NXPH1: variants seen among roughly 807,000 people sequenced by gnomAD.
NXPH1 encodes neurexophilin-1.
In NXPH1, 5 loss-of-function variants were observed where a neutral mutation model predicts 23.7. The ratio of observed to expected loss-of-function variants is 0.21; its 90% CI spans 0.11 to 0.44. The LOEUF (loss-of-function observed/expected upper bound fraction) is 0.44, where lower values mean the gene tolerates loss of function less well. Ranked by LOEUF, NXPH1 falls within the 20% of genes least tolerant of loss-of-function variation. The probability of loss-of-function intolerance (pLI) is 0.99; values close to 1 mark genes in which losing one functional copy is unlikely to be tolerated. For synonymous variants in NXPH1, 144 were observed against 122.2 expected, an observed-to-expected ratio of 1.18 and a Z score of -1.18; for missense variants, 324 against 321.6, an observed-to-expected ratio of 1.01 and a Z score of -0.06.
intron 2 of NXPH1, among the ~76,000 whole-genome samples, chr7:8,474,974 C>A (rs151305245): frequency 6.6e-6 from 1 of 152,212 alleles, no homozygotes; most frequent in Non-Finnish European, 1.5e-5. Flanking sequence ...AGTCCCAGGT[C>A]TGAGAGCAGA....
chr7:8,503,763 G>A (rs1001800595), intron 2 of NXPH1, among the ~76,000 whole-genome samples: 1 of 151,944 alleles, frequency 6.6e-6, no homozygotes, highest in Non-Finnish European at 1.5e-5. Flanking sequence ...AACACGGCCT[G>A]CCTAGCAGTC....
chr7:8,607,257 T>C (rs1479264928), intron 2 of NXPH1, among the ~76,000 whole-genome samples: 1 of 152,148 alleles, frequency 6.6e-6, no homozygotes, highest in Non-Finnish European at 1.5e-5. Context: ...TAAATAGGTG[T>C]TTAAATTTTA....
chr7:8,608,813 T>G (rs1402478906), intron 2 of NXPH1, among the ~76,000 whole-genome samples: 2 of 152,148 alleles, frequency 1.3e-5, no homozygotes, highest in East Asian at 3.9e-4. Flanking sequence ...TTTAATAATT[T>G]ATATAAAAAT....
intron 2 of NXPH1, among the ~76,000 whole-genome samples, chr7:8,561,674 A>T (rs191470190): frequency 6.6e-6 from 1 of 151,662 alleles, no homozygotes; most frequent in Non-Finnish European, 1.5e-5. Flanking sequence ...CCAGGCTGAC[A>T]GTCAAAAGCC....
Position 8,435,604 on chromosome 7 carries a change from G to A in NXPH1, c.-110G>A. On this transcript the variant is annotated splice_region_variant and 5_prime_UTR_variant, in exon 2 of 3. Transcript: ENST00000405863. The surrounding 1 kb of genome is among the most constrained non-coding windows in gnomAD (Gnocchi z 5.9). ...GATGTCTAATTTTATTTGCATCTAG[G>A]CTGCTGAGAGCGCTCCTTGCTCTGT... The A allele has an allele frequency of 1.0e-6, 1 of 964,780 alleles. No homozygotes were observed. Among genetic ancestry groups the A allele is most frequent in the East Asian group, 2.4e-5 (1 of 41,868 alleles). 59.8% of individuals were successfully genotyped at this position (964,780 alleles called of 1,614,324 possible).
At chr7:8,474,398 T>C (rs1433882073) in intron 2 of NXPH1, among the ~76,000 whole-genome samples, 2 of 152,104 alleles carry the variant, frequency 1.3e-5, no homozygotes, top group African/African-American at 2.4e-5. Context: ...TTGGGAAATA[T>C]AGAGAAGTCT....
At chr7:8,668,275 G>GTTTTTTTTTTTTTTTTTT (rs1562448816) in intron 2 of NXPH1, among the ~76,000 whole-genome samples, 1 of 47,846 alleles carries the variant, frequency 2.1e-5, no homozygotes, top group African/African-American at 6.1e-5. Context: ...TTTTTATTTT[G>GTTTTTTTTTTTTTTTTTT]TTGTTGTTGT....
intron 2 of NXPH1, among the ~76,000 whole-genome samples, chr7:8,486,865 C>T (rs1434749786): frequency 6.6e-6 from 1 of 152,082 alleles, no homozygotes; most frequent in Non-Finnish European, 1.5e-5. Context: ...ATATAACTTC[C>T]TTAGTTAAAC....
intron 2 of NXPH1, among the ~76,000 whole-genome samples, chr7:8,497,049 C>A (rs1357380942): frequency 6.6e-6 from 1 of 151,996 alleles, no homozygotes; most frequent in African/African-American, 2.4e-5. Flanking sequence ...GTGTGATGTT[C>A]CCCACCCTGT....
At chr7:8,591,939 C>T (rs1024532166) in intron 2 of NXPH1, among the ~76,000 whole-genome samples, 1 of 151,058 alleles carries the variant, frequency 6.6e-6, no homozygotes, top group African/African-American at 2.4e-5. Flanking sequence ...TTCAGGGTTA[C>T]AGGCATTCAT....
At chr7:8,464,405 C>A (rs569994510) in intron 2 of NXPH1, among the ~76,000 whole-genome samples, 1 of 152,108 alleles carries the variant, frequency 6.6e-6, no homozygotes, top group African/African-American at 2.4e-5. Context: ...GGTTAAAGTC[C>A]AAACTCCTGA....
intron 2 of NXPH1, among the ~76,000 whole-genome samples, chr7:8,683,924 G>A (rs1186628114): frequency 2.0e-5 from 3 of 152,128 alleles, no homozygotes; most frequent in Non-Finnish European, 4.4e-5. Context: ...ATTCAGACTA[G>A]GAGACCTTAT....
At chr7:8,516,409 G>C (rs369283441) in intron 2 of NXPH1, among the ~76,000 whole-genome samples, 3 of 152,276 alleles carry the variant, frequency 2.0e-5, no homozygotes, top group African/African-American at 7.2e-5. Context: ...CTACTGTGAA[G>C]TAATAAACAC....
At chr7:8,592,396 C>G (rs747124186) in intron 2 of NXPH1, among the ~76,000 whole-genome samples, 3 of 151,932 alleles carry the variant, frequency 2.0e-5, no homozygotes, top group Non-Finnish European at 4.4e-5. Context: ...TAGTTTAAAC[C>G]GTGCCCATAT....
intron 2 of NXPH1, among the ~76,000 whole-genome samples, chr7:8,577,504 A>G (rs2128623087): frequency 6.6e-6 from 1 of 152,316 alleles, no homozygotes; most frequent in East Asian, 1.9e-4. Flanking sequence ...ATCAAAAACT[A>G]CCATTTGTTC....
chr7:8,605,566 T>C (rs1819468050), intron 2 of NXPH1, among the ~76,000 whole-genome samples: 1 of 152,130 alleles, frequency 6.6e-6, no homozygotes, highest in Non-Finnish European at 1.5e-5. Context: ...AATTGACATC[T>C]GTTATAACAC....
At chr7:8,497,087 C>A (rs1817350335) in intron 2 of NXPH1, among the ~76,000 whole-genome samples, 1 of 152,110 alleles carries the variant, frequency 6.6e-6, no homozygotes, top group Non-Finnish European at 1.5e-5. Flanking sequence ...GTTCAGTTCC[C>A]ACCTATGAGT....
chr7:8,497,412 T>A lies in NXPH1; in HGVS notation c.54+61645T>A, dbSNP rs149852660. The stretch of plus-strand genomic sequence containing the variant: ...TGGCTGGGTCAAATGGTATTTCTAG[T>A]TCAAGATCCTTGAGGAATTGCCACA... On this transcript the variant is annotated intron_variant, in intron 2 of 2. Transcript: ENST00000405863. Among the ~76,000 whole-genome samples the A allele has an allele frequency of 2.4e-3, 362 of 152,320 alleles. 3 individuals are homozygous for A. Among genetic ancestry groups the A allele is most frequent in the African/African-American group, 8.1e-3 (338 of 41,586 alleles).
chr7:8,616,995 G>C (rs1430493778), intron 2 of NXPH1, among the ~76,000 whole-genome samples: 2 of 152,066 alleles, frequency 1.3e-5, no homozygotes, highest in African/African-American at 4.8e-5. Flanking sequence ...GGCTTCAGTG[G>C]ATAAGAAAGG....
Sources: gnomAD v4.1 joint callset for allele counts (sites outside exome capture counted in the v4.1 genomes callset) on GRCh38, gnomAD v4.1.1 for gene constraint, Gnocchi (gnomAD v3.1) non-coding constraint, MANE v1.5 for transcripts, NCBI Gene and HGNC (gene_info 2026-07-23, HGNC 2026-07-21) for gene names.